Variants in APLP2 observed in about 807,000 individuals in gnomAD.
APLP2 encodes the protein CDEI box-binding protein.
A neutral mutation model predicts 89.9 loss-of-function variants in APLP2; 53 were observed. The ratio of observed to expected loss-of-function variants is 0.59; its 90% CI spans 0.47 to 0.74. The LOEUF is 0.74. Among genes scored for constraint, APLP2 ranks in the 30% least tolerant of loss-of-function variants. APLP2 has a pLI of 0.00. For missense variants in APLP2, 973 were observed against 975.9 expected (o/e 1.00, Z 0.04); for synonymous variants, 372 against 348.6 (o/e 1.07, Z -0.75).
At chr11:130,129,024 G>A (rs1950654698) in intron 9 of APLP2, 24 bp from the exon 10 acceptor site, 1 of 1,604,016 alleles carries the variant, frequency 6.2e-7, no homozygotes. Context: ...CAAATCATGT[G>A]TGGTTCCTGC....
chr11:130,126,688 AT>A lies in APLP2; in HGVS notation c.1091-8del. On this transcript the variant is annotated splice_polypyrimidine_tract_variant and intron_variant, in intron 7 of 16. Coordinates refer to ENST00000338167, the MANE Select transcript of APLP2 (RefSeq NM_001142276.2). ...GATCCCAAAGAGAACTCCCTCTGTA[AT>A]TTTGTTTCAGTTCCTCCAACTCCTC... 1 of 1,613,288 alleles carries A rather than the reference AT, an allele frequency of 6.2e-7. No homozygotes were observed. Among genetic ancestry groups the A allele is most frequent in the Non-Finnish European group, 8.5e-7 (1 of 1,179,264 alleles).
At chr11:130,129,622 C>T (rs1241272946) in intron 10 of APLP2, among the ~76,000 whole-genome samples, 1 of 152,138 alleles carries the variant, frequency 6.6e-6, no homozygotes, top group East Asian at 1.9e-4. Context: ...ATGATTTTGT[C>T]CCTTAACACT....
At chr11:130,102,399 C>T (rs572173303) in intron 1 of APLP2, among the ~76,000 whole-genome samples, 2 of 152,322 alleles carry the variant, frequency 1.3e-5, no homozygotes, top group East Asian at 1.9e-4. Flanking sequence ...ACATTGCCTT[C>T]GCAGGGTGAA....
intron 1 of APLP2, among the ~76,000 whole-genome samples, chr11:130,085,666 T>C (rs1339506854): frequency 6.6e-6 from 1 of 152,198 alleles, no homozygotes; most frequent in East Asian, 1.9e-4. Flanking sequence ...CACAACATTG[T>C]GCAACCATCC....
chr11:130,080,322 A>G (rs1345319396), intron 1 of APLP2, among the ~76,000 whole-genome samples: 1 of 151,858 alleles, frequency 6.6e-6, no homozygotes, highest in Admixed American at 6.6e-5. Flanking sequence ...CTCCTGCCTC[A>G]GCCTCCTGAG....
chr11:130,113,114 C>T (rs965023323), intron 3 of APLP2, among the ~76,000 whole-genome samples: 1 of 152,212 alleles, frequency 6.6e-6, no homozygotes. Flanking sequence ...AGACCTTTCT[C>T]CAACTATGCT....
chr11:130,143,665 C>T lies in APLP2; in HGVS notation c.*217C>T. 1 of 467,680 alleles carries T rather than the reference C, an allele frequency of 2.1e-6. No homozygotes were observed. Among genetic ancestry groups the T allele is most frequent in the East Asian group, 3.5e-5 (1 of 28,716 alleles). 29.0% of individuals were successfully genotyped at this position (467,680 alleles called of 1,614,324 possible). Reference sequence around the variant, plus strand: ...AATATAACAATATATGATATATAAACCTTAAATGAAAAAAATGATCTATTG... The same window carrying T: ...AATATAACAATATATGATATATAAATCTTAAATGAAAAAAATGATCTATTG... On this transcript the variant is annotated 3_prime_UTR_variant, in exon 17 of 17. Coordinates refer to ENST00000338167, the MANE Select transcript of APLP2 (RefSeq NM_001142276.2).
intron 12 of APLP2, 83 bp from the exon 13 acceptor site, chr11:130,135,480 G>A (rs556456363): frequency 6.8e-7 from 1 of 1,477,504 alleles, no homozygotes; most frequent in East Asian, 2.3e-5. Context: ...CCACAGTGGG[G>A]TCTTGGAGCT....
chr11:130,120,680 G>C (rs747990444), intron 3 of APLP2, 26 bp from the exon 4 acceptor site: 1 of 1,549,822 alleles, frequency 6.5e-7, no homozygotes, highest in Non-Finnish European at 8.9e-7. Flanking sequence ...GGTCAGATCC[G>C]CTCTGACAAA....
At chr11:130,107,212 T>C (rs1429524277) in intron 1 of APLP2, among the ~76,000 whole-genome samples, 2 of 152,216 alleles carry the variant, frequency 1.3e-5, no homozygotes, top group Non-Finnish European at 2.9e-5. Context: ...AGTAAAATTA[T>C]TGGAATTTTA....
At chr11:130,121,326 A>G (rs1201059834) in intron 4 of APLP2, among the ~76,000 whole-genome samples, 12 of 152,112 alleles carry the variant, frequency 7.9e-5, no homozygotes, top group Non-Finnish European at 5.9e-5. Context: ...TGACCACCTT[A>G]TCTGGCTTTA....
intron 13 of APLP2, chr11:130,139,564 G>T (rs1483432934): frequency 6.6e-6 from 1 of 152,184 alleles, no homozygotes; most frequent in Non-Finnish European, 1.5e-5. Flanking sequence ...TTCCCTCCCT[G>T]GGCCTGTGCT....
chr11:130,095,353 CAGAG>C (rs1360256874), intron 1 of APLP2, among the ~76,000 whole-genome samples: 2 of 152,146 alleles, frequency 1.3e-5, no homozygotes, highest in Non-Finnish European at 2.9e-5. Flanking sequence ...GTTTGGGTGA[CAGAG>C]AGAGACCTTT....
chr11:130,106,838 G>A (rs1192796598), intron 1 of APLP2, among the ~76,000 whole-genome samples: 3 of 152,194 alleles, frequency 2.0e-5, no homozygotes, highest in Non-Finnish European at 4.4e-5. Context: ...ACCGGCATCC[G>A]CCACCACGCC....
At chr11:130,094,161 C>T (rs1241294698) in intron 1 of APLP2, among the ~76,000 whole-genome samples, 1 of 148,792 alleles carries the variant, frequency 6.7e-6, no homozygotes, top group Non-Finnish European at 1.5e-5. Flanking sequence ...TTAAGCGATT[C>T]TCCTTCCTCA....
chr11:130,143,811 T>C lies in APLP2; in HGVS notation c.*363T>C, dbSNP rs1014213510. The C allele has an allele frequency of 3.1e-5, 6 of 191,364 alleles. No homozygotes were observed. The highest frequency in any genetic ancestry group is 5.5e-5 in the Non-Finnish European group (5 of 91,206). The allele number at this position is 191,364 out of a possible 1,614,324, so 11.9% of individuals were successfully genotyped here. A position where few individuals can be genotyped will look rare whatever the true frequency, so the allele number is the denominator to read the frequency against. On this transcript the variant is annotated 3_prime_UTR_variant, in exon 17 of 17. Transcript: ENST00000338167. ...ATGTCGATTTTCAATAATAGACTTATATGCAGGCTGTCGTTCCGGTTATGT... is the reference window on the plus strand; with the variant it reads ...ATGTCGATTTTCAATAATAGACTTACATGCAGGCTGTCGTTCCGGTTATGT...
rs533877919 is a variant in APLP2 at position 130,144,130 on chromosome 11, A to G, written c.*682A>G. On this transcript the variant is annotated 3_prime_UTR_variant, in exon 17 of 17. Transcript: ENST00000338167. ...GCGTCTTCTAGAGAGCTTAGTGTAT[A>G]CAGATGAGGGTGTCCGCTGCTGCTT... The G allele has an allele frequency of 1.3e-5, 2 of 152,514 alleles. No homozygotes were observed. The highest frequency in any genetic ancestry group is 4.8e-5 in the African/African-American group (2 of 41,582). 9.4% of individuals were successfully genotyped at this position (152,514 alleles called of 1,614,324 possible).
At chr11:130,130,739 G>A (rs1457839245) in intron 11 of APLP2, among the ~76,000 whole-genome samples, 1 of 152,162 alleles carries the variant, frequency 6.6e-6, no homozygotes, top group African/African-American at 2.4e-5. Flanking sequence ...TTCCTAGAGG[G>A]CCTTATAGTA....
intron 3 of APLP2, among the ~76,000 whole-genome samples, chr11:130,112,127 C>T (rs542155908): frequency 1.3e-5 from 2 of 152,260 alleles, no homozygotes; most frequent in East Asian, 1.9e-4. Flanking sequence ...TCAAACTGTG[C>T]GCCGAGGCAC....
Sources: allele counts gnomAD v4.1 joint callset (sites outside exome capture counted in the v4.1 genomes callset), GRCh38; gene constraint gnomAD v4.1.1; transcripts MANE v1.5; gene names NCBI Gene and HGNC (gene_info 2026-07-23, HGNC 2026-07-21).